The following SNX24 variants were observed in gnomAD, a reference collection of about 807,000 sequenced individuals.
SNX24 encodes the protein sorting nexin-24.
A neutral mutation model predicts 28.7 loss-of-function variants in SNX24; 22 were observed. The observed-to-expected ratio is 0.77, with a 90% CI of 0.55 to 1.10. The LOEUF (loss-of-function observed/expected upper bound fraction) is 1.10, where lower values mean the gene tolerates loss of function less well. Among genes scored for constraint, SNX24 ranks in the 50% least tolerant of loss-of-function variants. SNX24 has a pLI of 0.00. For synonymous variants in SNX24, 69 were observed against 71.5 expected, an observed-to-expected ratio of 0.96 and a Z score of 0.18; for missense variants, 221 against 201.1, an observed-to-expected ratio of 1.10 and a Z score of -0.60.
chr5:122,962,875 A>C (rs1163624960), intron 3 of SNX24, among the ~76,000 whole-genome samples: 1 of 152,222 alleles, frequency 6.6e-6, no homozygotes, highest in Non-Finnish European at 1.5e-5. Flanking sequence ...AAATACCTTC[A>C]GCAGTCATTA....
intron 1 of SNX24, among the ~76,000 whole-genome samples, chr5:122,909,334 T>C (rs1273539811): frequency 6.6e-6 from 1 of 152,240 alleles, no homozygotes; most frequent in African/African-American, 2.4e-5. Flanking sequence ...CTCTGCTTTA[T>C]AAATGTTAAC....
chr5:122,998,786 A>G (rs1762139934), intron 3 of SNX24, among the ~76,000 whole-genome samples: 1 of 152,238 alleles, frequency 6.6e-6, no homozygotes, highest in Non-Finnish European at 1.5e-5. Context: ...AAGATGTGAT[A>G]TAGAACTATG....
chr5:122,911,342 T>A (rs246290), intron 1 of SNX24, among the ~76,000 whole-genome samples: 116,849 of 151,912 alleles, frequency 0.77, 45,814 homozygotes, highest in East Asian at 0.99. Flanking sequence ...TAAATTTGTT[T>A]GAGTTCATTG....
intron 1 of SNX24, among the ~76,000 whole-genome samples, chr5:122,908,228 T>C (rs1394120010): frequency 6.6e-6 from 1 of 152,240 alleles, no homozygotes; most frequent in Non-Finnish European, 1.5e-5. Flanking sequence ...TTCCGTCAAC[T>C]AGTTTTGCTC....
At chr5:123,025,866 C>G in intron 5 of SNX24, 1 of 1,614,076 alleles carries the variant, frequency 6.2e-7, no homozygotes, top group Non-Finnish European at 8.5e-7. Flanking sequence ...GAACTGAGAG[C>G]CATTGGTGTC....
At chr5:122,851,574 C>T (rs971109852) in intron 1 of SNX24, among the ~76,000 whole-genome samples, 4 of 152,212 alleles carry the variant, frequency 2.6e-5, no homozygotes, top group Non-Finnish European at 5.9e-5. Context: ...TATATATCTT[C>T]TTGGGACCTG....
intron 3 of SNX24, among the ~76,000 whole-genome samples, chr5:122,991,028 C>G (rs1486371261): frequency 6.6e-6 from 1 of 151,928 alleles, no homozygotes; most frequent in Non-Finnish European, 1.5e-5. Context: ...TTCCATGTAG[C>G]TAGGATTACA....
At chr5:122,978,121 A>C (rs2150153929) in intron 3 of SNX24, among the ~76,000 whole-genome samples, 1 of 152,276 alleles carries the variant, frequency 6.6e-6, no homozygotes, top group South Asian at 2.1e-4. Context: ...GTATTATTTA[A>C]TCTTTAACAA....
chr5:122,915,208 C>T (rs1758106000), intron 1 of SNX24, among the ~76,000 whole-genome samples: 1 of 152,194 alleles, frequency 6.6e-6, no homozygotes, highest in Non-Finnish European at 1.5e-5. Flanking sequence ...ACTTTCATCT[C>T]CATCTCCATC....
chr5:122,913,507 T>G (rs246300), intron 1 of SNX24, among the ~76,000 whole-genome samples: 122,031 of 151,328 alleles, frequency 0.81, 49,906 homozygotes, highest in East Asian at 0.98. Flanking sequence ...TTCCCAGACG[T>G]GGTGGCTGCC....
chr5:122,957,498 A>G (rs1295079441), intron 3 of SNX24, among the ~76,000 whole-genome samples: 3 of 152,098 alleles, frequency 2.0e-5, no homozygotes, highest in Non-Finnish European at 4.4e-5. Context: ...TGGGTATTTG[A>G]GGGCCCCTTG....
At chr5:122,966,861 T>G (rs1760736254) in intron 3 of SNX24, among the ~76,000 whole-genome samples, 1 of 152,194 alleles carries the variant, frequency 6.6e-6, no homozygotes, top group South Asian at 2.1e-4. Flanking sequence ...TAGCTACCAT[T>G]TTTTCCTCAG....
At chr5:122,994,018 C>T (rs1383496237) in intron 3 of SNX24, among the ~76,000 whole-genome samples, 6 of 152,056 alleles carry the variant, frequency 3.9e-5, no homozygotes, top group African/African-American at 1.4e-4. Flanking sequence ...TTTATAACAA[C>T]CCTGATAGAC....
intron 3 of SNX24, among the ~76,000 whole-genome samples, chr5:122,987,735 G>C (rs1396721459): frequency 6.6e-6 from 1 of 152,188 alleles, no homozygotes; most frequent in Non-Finnish European, 1.5e-5. Context: ...TGGGTCAGTA[G>C]ATTGGAAGTC....
intron 1 of SNX24, among the ~76,000 whole-genome samples, chr5:122,877,713 T>G (rs74363516): frequency 6.6e-6 from 1 of 152,098 alleles, no homozygotes; most frequent in Non-Finnish European, 1.5e-5. Context: ...CTACCCGAAG[T>G]TGGTTAACTT....
At chr5:122,987,598 G>A (rs1227903643) in intron 3 of SNX24, among the ~76,000 whole-genome samples, 3 of 152,190 alleles carry the variant, frequency 2.0e-5, no homozygotes, top group African/African-American at 7.2e-5. Flanking sequence ...CCCGAGTACA[G>A]CAGAGGGAGA....
intron 1 of SNX24, among the ~76,000 whole-genome samples, chr5:122,898,278 C>T (rs1055914614): frequency 6.6e-6 from 1 of 152,066 alleles, no homozygotes; most frequent in African/African-American, 2.4e-5. Flanking sequence ...CCCTGATACA[C>T]GTAATAAAAA....
chr5:122,895,811 T>C (rs2150074694), intron 1 of SNX24, among the ~76,000 whole-genome samples: 1 of 152,142 alleles, frequency 6.6e-6, no homozygotes, highest in South Asian at 2.1e-4. Context: ...AGGAAAAGAC[T>C]AAATACACAA....
At chr5:122,947,128 T>C (rs542181868) in intron 3 of SNX24, among the ~76,000 whole-genome samples, 46 of 152,298 alleles carry the variant, frequency 3.0e-4, no homozygotes, top group African/African-American at 1.1e-3. Context: ...GAATTAATGA[T>C]TGACCCATCT....
Sources: gnomAD v4.1 joint callset for allele counts (sites outside exome capture counted in the v4.1 genomes callset) on GRCh38, gnomAD v4.1.1 for gene constraint, MANE v1.5 for transcripts, NCBI Gene and HGNC (gene_info 2026-07-23, HGNC 2026-07-21) for gene names.